Variants in SGCZ observed in about 807,000 individuals in gnomAD.
SGCZ encodes the protein sarcoglycan zeta.
SGCZ carries 40 observed loss-of-function variants against 41.3 expected under a neutral mutation model. That is an observed-to-expected ratio of 0.97 (90% confidence interval 0.75 to 1.26). The LOEUF (loss-of-function observed/expected upper bound fraction) is 1.26, where lower values mean the gene tolerates loss of function less well. Among genes scored for constraint, SGCZ ranks in the 50% most tolerant of loss-of-function variants. The pLI, the probability that SGCZ is intolerant of heterozygous loss-of-function variation, is 0.00. For synonymous variants in SGCZ, 206 were observed against 137.5 expected (o/e 1.50, Z -3.49); for missense variants, 552 against 369.8 (o/e 1.49, Z -4.04).
At chr8:14,366,086 A>G (rs1052890082) in intron 2 of SGCZ, among the ~76,000 whole-genome samples, 2 of 152,258 alleles carry the variant, frequency 1.3e-5, no homozygotes, top group Admixed American at 6.5e-5. Flanking sequence ...TCATATTTTT[A>G]TATCAATAAA....
chr8:14,245,848 G>A (rs540196125), intron 3 of SGCZ, among the ~76,000 whole-genome samples: 2 of 152,260 alleles, frequency 1.3e-5, no homozygotes, highest in South Asian at 2.1e-4. Flanking sequence ...ATGAAAAAAT[G>A]CTCATCATCA....
At chr8:14,125,918 G>A (rs192868353) in intron 5 of SGCZ, among the ~76,000 whole-genome samples, 75 of 152,172 alleles carry the variant, frequency 4.9e-4, no homozygotes, top group African/African-American at 1.7e-3. Context: ...GAAAACTGGC[G>A]TGCCATATGC....
At chr8:14,952,650 C>T (rs1049460808) in intron 1 of SGCZ, among the ~76,000 whole-genome samples, 2 of 152,160 alleles carry the variant, frequency 1.3e-5, no homozygotes, top group South Asian at 2.1e-4. Flanking sequence ...GTTTATAGCC[C>T]TCAGGAGATA....
At chr8:14,551,862 G>A (rs775247530) in intron 2 of SGCZ, among the ~76,000 whole-genome samples, 1 of 148,368 alleles carries the variant, frequency 6.7e-6, no homozygotes, top group South Asian at 2.1e-4. Context: ...TATACATCAT[G>A]CAGAATATCG....
At chr8:14,950,460 T>G (rs1168649281) in intron 1 of SGCZ, among the ~76,000 whole-genome samples, 2 of 152,008 alleles carry the variant, frequency 1.3e-5, no homozygotes, top group African/African-American at 4.8e-5. Context: ...TTCTCTTTCC[T>G]TTTATCAGAA....
At chr8:15,156,915 G>C (rs537361617) in intron 1 of SGCZ, among the ~76,000 whole-genome samples, 11 of 146,788 alleles carry the variant, frequency 7.5e-5, no homozygotes, top group Admixed American at 4.8e-4. Context: ...ATCGCACTCC[G>C]CCTGGGCAAC....
chr8:14,258,073 C>A (rs1035479696), intron 3 of SGCZ, among the ~76,000 whole-genome samples: 2 of 152,012 alleles, frequency 1.3e-5, no homozygotes, highest in Admixed American at 1.3e-4. Context: ...ATTACAACTA[C>A]CAAAGTAGTG....
At chr8:14,971,041 T>C (rs562256571) in intron 1 of SGCZ, among the ~76,000 whole-genome samples, 25 of 152,340 alleles carry the variant, frequency 1.6e-4, no homozygotes, top group South Asian at 8.3e-4. Flanking sequence ...TTTGATGCTT[T>C]TGTGAAATAT....
intron 1 of SGCZ, among the ~76,000 whole-genome samples, chr8:14,878,517 T>G (rs1278669179): frequency 6.6e-6 from 1 of 152,168 alleles, no homozygotes; most frequent in Non-Finnish European, 1.5e-5. Context: ...GATATCTGAT[T>G]GGCTACAAAT....
chr8:14,857,529 G>C (rs1803583721), intron 1 of SGCZ, among the ~76,000 whole-genome samples: 1 of 152,140 alleles, frequency 6.6e-6, no homozygotes, highest in Non-Finnish European at 1.5e-5. Flanking sequence ...AGGGCGTTAA[G>C]CTTTAAGAAC....
At chr8:14,270,328 T>A (rs532271582) in intron 3 of SGCZ, among the ~76,000 whole-genome samples, 11 of 151,520 alleles carry the variant, frequency 7.3e-5, no homozygotes, top group Non-Finnish European at 1.5e-4. Flanking sequence ...TAAAACTCCG[T>A]CTCAAAAAAA....
At chr8:14,270,989 T>C (rs1345181265) in intron 3 of SGCZ, among the ~76,000 whole-genome samples, 1 of 152,076 alleles carries the variant, frequency 6.6e-6, no homozygotes, top group African/African-American at 2.4e-5. Flanking sequence ...CAGGTGGGAA[T>C]TGAACAGTGA....
intron 2 of SGCZ, among the ~76,000 whole-genome samples, chr8:14,551,544 TATATATAATATATATTA>T (rs1803846021): frequency 8.1e-4 from 5 of 6,204 alleles, no homozygotes; most frequent in Non-Finnish European, 1.6e-3. Context: ...ATATATATAA[TATATATAATATATATTA>T]TATATATAAT....
At chr8:15,223,787 C>T (rs891383281) in intron 1 of SGCZ, among the ~76,000 whole-genome samples, 3 of 152,066 alleles carry the variant, frequency 2.0e-5, no homozygotes, top group East Asian at 1.9e-4. Context: ...ATTTAAAAAA[C>T]GAGAACTAGA....
Position 14,644,764 on chromosome 8 carries a change from G to A in SGCZ, c.40-89838C>T, listed in dbSNP as rs567219181. Among the ~76,000 whole-genome samples, 8 of 151,692 alleles carry A rather than the reference G, an allele frequency of 5.3e-5. No homozygotes were observed. The South Asian group carries it at 6.3e-4, about 12-fold the overall frequency. On this transcript the variant is annotated intron_variant, in intron 1 of 7. Coordinates refer to ENST00000382080, the MANE Select transcript of SGCZ (RefSeq NM_139167.4). ...CTAGAAATGCAAATGTACTTCTTACGTAGCTAACAAATCTAGTTCTACCTG... is the reference window on the plus strand; with the variant it reads ...CTAGAAATGCAAATGTACTTCTTACATAGCTAACAAATCTAGTTCTACCTG...
chr8:14,346,168 T>C (rs964602067), intron 2 of SGCZ, among the ~76,000 whole-genome samples: 3 of 152,064 alleles, frequency 2.0e-5, no homozygotes, highest in Non-Finnish European at 2.9e-5. Context: ...AATAATACAA[T>C]ACGTTACTAA....
At chr8:14,633,087 G>C (rs1806712170) in intron 1 of SGCZ, among the ~76,000 whole-genome samples, 1 of 151,976 alleles carries the variant, frequency 6.6e-6, no homozygotes, top group Admixed American at 6.6e-5. Flanking sequence ...AACTGTCACA[G>C]CAATGGTATT....
intron 2 of SGCZ, among the ~76,000 whole-genome samples, chr8:14,443,547 A>G (rs78347360): frequency 0.045 from 6,878 of 152,238 alleles, 254 homozygotes; most frequent in Admixed American, 0.1. Flanking sequence ...CCTGAGAAAA[A>G]CAAGCAATGG....
intron 1 of SGCZ, among the ~76,000 whole-genome samples, chr8:14,734,096 G>A (rs557883986): frequency 7.2e-5 from 11 of 152,118 alleles, no homozygotes; most frequent in South Asian, 2.1e-4. Flanking sequence ...AATCATGGAC[G>A]CTGTTAAGAT....
Sources: gnomAD v4.1 joint callset for allele counts (sites outside exome capture counted in the v4.1 genomes callset) on GRCh38, gnomAD v4.1.1 for gene constraint, MANE v1.5 for transcripts, NCBI Gene and HGNC (gene_info 2026-07-23, HGNC 2026-07-21) for gene names.